DTD1: variants seen among roughly 807,000 people sequenced by gnomAD.
DTD1 encodes D-tyrosyl-tRNA deacylase 1 homolog.
In DTD1, 13 loss-of-function variants were observed where a neutral mutation model predicts 25.6. That is an observed-to-expected ratio of 0.51 (90% CI 0.33 to 0.81). The LOEUF (loss-of-function observed/expected upper bound fraction) is 0.81, where lower values mean the gene tolerates loss of function less well. Among genes scored for constraint, DTD1 ranks in the 30% least tolerant of loss-of-function variants. The pLI is 0.02. For synonymous variants in DTD1, 110 were observed against 103.6 expected, an observed-to-expected ratio of 1.06 and a Z score of -0.37; for missense variants, 193 against 266.4, an observed-to-expected ratio of 0.72 and a Z score of 1.92.
intron 4 of DTD1, chr20:18,631,446 G>A (rs2060787340): frequency 1.0e-6 from 1 of 985,558 alleles, no homozygotes; most frequent in African/African-American, 1.7e-5. Context: ...CTGTCCTCTT[G>A]TTGGTTCTGT....
chr20:18,635,854 A>G (rs1039765204), intron 4 of DTD1, among the ~76,000 whole-genome samples: 2 of 152,210 alleles, frequency 1.3e-5, no homozygotes, highest in African/African-American at 4.8e-5. Flanking sequence ...TCACCTTACC[A>G]TCTTAAATCC....
chr20:18,663,285 T>C (rs1361677660), intron 4 of DTD1, among the ~76,000 whole-genome samples: 2 of 151,840 alleles, frequency 1.3e-5, no homozygotes, highest in Non-Finnish European at 2.9e-5. Flanking sequence ...TTTGGGAGGC[T>C]GAGATGGAAG....
chr20:18,726,173 A>G (rs912166929), intron 4 of DTD1, among the ~76,000 whole-genome samples: 4 of 152,176 alleles, frequency 2.6e-5, no homozygotes, highest in African/African-American at 9.7e-5. Context: ...CGCCTCTGGC[A>G]TAGTCATTCT....
At chr20:18,720,892 G>A (rs1412189740) in intron 4 of DTD1, among the ~76,000 whole-genome samples, 1 of 152,090 alleles carries the variant, frequency 6.6e-6, no homozygotes, top group Non-Finnish European at 1.5e-5. Context: ...TGTAAAGTAT[G>A]ATTCAATTAT....
intron 4 of DTD1, chr20:18,631,820 C>CT: frequency 7.1e-6 from 7 of 984,670 alleles, no homozygotes; most frequent in Non-Finnish European, 7.2e-6. Flanking sequence ...AAATTTTAGT[C>CT]TTTTTTTCAT....
At chr20:18,732,990 C>CTTGTGGTT (rs1443721416) in intron 4 of DTD1, among the ~76,000 whole-genome samples, 1 of 152,030 alleles carries the variant, frequency 6.6e-6, no homozygotes, top group Non-Finnish European at 1.5e-5. Flanking sequence ...TTTTTCAAAG[C>CTTGTGGTT]ATTTAAAATG....
intron 3 of DTD1, among the ~76,000 whole-genome samples, chr20:18,607,346 A>T (rs1376780155): frequency 6.6e-6 from 1 of 152,080 alleles, no homozygotes; most frequent in African/African-American, 2.4e-5. Context: ...TTTTTAATAG[A>T]GACGGGGTTT....
intron 4 of DTD1, among the ~76,000 whole-genome samples, chr20:18,708,218 A>ATTGT (rs1568676578): frequency 1.4e-3 from 8 of 5,666 alleles, no homozygotes; most frequent in Non-Finnish European, 3.7e-3. Context: ...TTATATATAT[A>ATTGT]ATATATATAT....
intron 4 of DTD1, among the ~76,000 whole-genome samples, chr20:18,689,224 C>T (rs2061031906): frequency 1.3e-5 from 2 of 152,152 alleles, no homozygotes; most frequent in Admixed American, 6.5e-5. Flanking sequence ...TGCCTTTTCC[C>T]TCCCATGTGA....
intron 3 of DTD1, among the ~76,000 whole-genome samples, chr20:18,608,501 G>A (rs2060671925): frequency 6.6e-6 from 1 of 151,650 alleles, no homozygotes; most frequent in Non-Finnish European, 1.5e-5. Flanking sequence ...GCATTTAATT[G>A]CTCTTGTTTT....
At chr20:18,723,556 T>A (rs144408352) in intron 4 of DTD1, among the ~76,000 whole-genome samples, 1 of 152,354 alleles carries the variant, frequency 6.6e-6, no homozygotes, top group East Asian at 1.9e-4. Context: ...GAACAAATGA[T>A]CATATTCCAA....
intron 5 of DTD1, among the ~76,000 whole-genome samples, chr20:18,747,838 C>T (rs906001368): frequency 7.2e-5 from 10 of 138,068 alleles, no homozygotes; most frequent in Admixed American, 2.3e-4. Context: ...GGTGAAACTC[C>T]GTCTCTATAA....
chr20:18,739,494 A>G (rs2061268861), intron 4 of DTD1, among the ~76,000 whole-genome samples: 1 of 152,204 alleles, frequency 6.6e-6, no homozygotes, highest in Non-Finnish European at 1.5e-5. Flanking sequence ...CTAAGGCGCT[A>G]AAGCCAGCAT....
At chr20:18,752,367 T>A (rs933243890) in intron 5 of DTD1, among the ~76,000 whole-genome samples, 2 of 152,172 alleles carry the variant, frequency 1.3e-5, no homozygotes, top group Non-Finnish European at 2.9e-5. Context: ...GATAGTCTGT[T>A]CTTTTTTTCT....
At chr20:18,750,315 G>A (rs2061317401) in intron 5 of DTD1, among the ~76,000 whole-genome samples, 1 of 152,116 alleles carries the variant, frequency 6.6e-6, no homozygotes, top group African/African-American at 2.4e-5. Flanking sequence ...TGGATTAAAT[G>A]GTGACAGACA....
intron 4 of DTD1, among the ~76,000 whole-genome samples, chr20:18,628,517 G>A (rs562696895): frequency 1.4e-4 from 22 of 152,236 alleles, no homozygotes; most frequent in African/African-American, 4.6e-4. Flanking sequence ...GCCAGGTGCC[G>A]TGGCGCCCAC....
At chr20:18,722,227 A>T (rs1205888800) in intron 4 of DTD1, among the ~76,000 whole-genome samples, 1 of 152,136 alleles carries the variant, frequency 6.6e-6, no homozygotes, top group East Asian at 1.9e-4. Flanking sequence ...TGTAATTCGC[A>T]CTGTAGTCTG....
intron 4 of DTD1, among the ~76,000 whole-genome samples, chr20:18,669,838 G>A (rs1426059139): frequency 6.6e-6 from 1 of 152,216 alleles, no homozygotes; most frequent in Non-Finnish European, 1.5e-5. Context: ...TGAACGCTTT[G>A]ATCACAGCAG....
At chr20:18,612,662 C>CT (rs1054929835) in intron 3 of DTD1, among the ~76,000 whole-genome samples, 3 of 150,942 alleles carry the variant, frequency 2.0e-5, no homozygotes, top group Non-Finnish European at 3.0e-5. Context: ...TGTTATCTTT[C>CT]TTTTTTTTTA....
Sources: gnomAD v4.1 joint callset for allele counts (sites outside exome capture counted in the v4.1 genomes callset) on GRCh38, gnomAD v4.1.1 for gene constraint, MANE v1.5 for transcripts, NCBI Gene and HGNC (gene_info 2026-07-23, HGNC 2026-07-21) for gene names.